The following TMEM132B variants were observed in gnomAD, a reference collection of about 807,000 sequenced individuals.
The protein encoded by TMEM132B is transmembrane protein 132B.
Under a neutral mutation model 90.8 loss-of-function variants are expected in TMEM132B, and 18 were observed. That is an observed-to-expected ratio of 0.20 (90% CI 0.14 to 0.29). The LOEUF is 0.29. Ranked by LOEUF, TMEM132B falls within the 10% of genes least tolerant of loss-of-function variation. The probability of loss-of-function intolerance (pLI) is 1.00; values close to 1 mark genes in which losing one functional copy is unlikely to be tolerated. For missense variants in TMEM132B, 1,096 were observed against 1,326.8 expected, an observed-to-expected ratio of 0.83 and a Z score of 2.70; for synonymous variants, 504 against 523.3, an observed-to-expected ratio of 0.96 and a Z score of 0.50.
intron 1 of TMEM132B, among the ~76,000 whole-genome samples, chr12:125,268,040 G>A (rs558316233): frequency 1.3e-5 from 2 of 152,216 alleles, no homozygotes; most frequent in Admixed American, 1.3e-4. Flanking sequence ...GAGCCCAGGA[G>A]GTCGAGACCA....
chr12:125,400,744 C>T (rs983670858), intron 2 of TMEM132B, among the ~76,000 whole-genome samples: 3 of 152,178 alleles, frequency 2.0e-5, no homozygotes, highest in East Asian at 3.9e-4. Flanking sequence ...GGGAGAGCCC[C>T]AATTAAAAGT....
intron 2 of TMEM132B, among the ~76,000 whole-genome samples, chr12:125,369,551 T>C (rs1878232015): frequency 2.6e-5 from 4 of 152,108 alleles, no homozygotes. Context: ...CAACATTTGA[T>C]AGGTTGATAA....
intron 2 of TMEM132B, among the ~76,000 whole-genome samples, chr12:125,398,765 C>A (rs113017244): frequency 6.6e-6 from 1 of 152,362 alleles, no homozygotes; most frequent in South Asian, 2.1e-4. Flanking sequence ...TCACCACAAA[C>A]TTAAAGGCTT....
At chr12:125,345,818 C>T (rs1877340196) in intron 1 of TMEM132B, among the ~76,000 whole-genome samples, 1 of 152,142 alleles carries the variant, frequency 6.6e-6, no homozygotes, top group Non-Finnish European at 1.5e-5. Context: ...AAATACCTCT[C>T]TAGGAAATCG....
intron 1 of TMEM132B, among the ~76,000 whole-genome samples, chr12:125,254,325 G>A (rs1029264198): frequency 6.6e-6 from 1 of 152,054 alleles, no homozygotes; most frequent in African/African-American, 2.4e-5. Context: ...GAGAAGAAGA[G>A]CAAAACCAAA....
At chr12:125,521,625 G>A (rs1197847664) in intron 4 of TMEM132B, among the ~76,000 whole-genome samples, 1 of 152,208 alleles carries the variant, frequency 6.6e-6, no homozygotes, top group African/African-American at 2.4e-5. Flanking sequence ...AGAGGGTGAG[G>A]GTGGAGGGGT....
rs1261887309 is a variant in TMEM132B at position 125,277,404 on chromosome 12, G to T, written c.68-72048G>T. On this transcript the variant is annotated intron_variant, in intron 1 of 8. Coordinates refer to ENST00000682704, the MANE Select transcript of TMEM132B (RefSeq NM_001366854.1). This position sits in a 1 kb window ranked among gnomAD's most constrained non-coding sequence, Gnocchi z 4.3. The stretch of plus-strand genomic sequence containing the variant: ...TGAGGCTGGAGAATCGCTTGAACCT[G>T]GGAGGCGGAGGTTGCAGTGAGCCAA... Among the ~76,000 whole-genome samples, 1 of 151,818 alleles carries T rather than the reference G, an allele frequency of 6.6e-6. No individual in the cohort carries two copies. Among genetic ancestry groups the T allele is most frequent in the Non-Finnish European group, 1.5e-5 (1 of 67,964 alleles).
At chr12:125,526,288 G>C (rs1883458070) in intron 4 of TMEM132B, among the ~76,000 whole-genome samples, 1 of 152,346 alleles carries the variant, frequency 6.6e-6, no homozygotes, top group Admixed American at 6.5e-5. Flanking sequence ...GGCCTGCTGG[G>C]CTCCTCGCAC....
chr12:125,342,377 C>G (rs575219255), intron 1 of TMEM132B, among the ~76,000 whole-genome samples: 1 of 152,162 alleles, frequency 6.6e-6, no homozygotes, highest in Non-Finnish European at 1.5e-5. Flanking sequence ...CTCCCCTCAC[C>G]CCGTGCCTCA....
intron 3 of TMEM132B, among the ~76,000 whole-genome samples, chr12:125,514,809 A>ATGAGCGAT (rs1883066038): frequency 6.6e-6 from 1 of 152,158 alleles, no homozygotes; most frequent in South Asian, 2.1e-4. Flanking sequence ...ACTGAGGAAC[A>ATGAGCGAT]GCCGCATGTG....
intron 1 of TMEM132B, among the ~76,000 whole-genome samples, chr12:125,295,241 C>T (rs535446207): frequency 8.5e-5 from 13 of 152,272 alleles, no homozygotes; most frequent in African/African-American, 2.6e-4. Context: ...GAGAGCACTC[C>T]GTGGCTGGGC....
chr12:125,336,459 C>A (rs560713163), intron 1 of TMEM132B, among the ~76,000 whole-genome samples: 2 of 152,228 alleles, frequency 1.3e-5, no homozygotes, highest in African/African-American at 4.8e-5. Context: ...GACCTGAAGC[C>A]AGCCTATGCC....
Position 125,531,486 on chromosome 12 carries a change from G to A in TMEM132B, c.1293+11861G>A, listed in dbSNP as rs560481431. Among the ~76,000 whole-genome samples, 3 of 152,290 alleles carry A rather than the reference G, an allele frequency of 2.0e-5. No individual in the cohort carries two copies. The East Asian group carries it at 5.8e-4, about 29-fold the overall frequency. ...TTACAGGAGCGAGCCACTGTGCCTG[G>A]CCTGAGAATTATTTTTGTGTCACCC... On this transcript the variant is annotated intron_variant, in intron 4 of 8. Coordinates refer to ENST00000682704, the MANE Select transcript of TMEM132B (RefSeq NM_001366854.1).
At chr12:125,647,415 G>T (rs1886793965) in intron 6 of TMEM132B, among the ~76,000 whole-genome samples, 1 of 152,210 alleles carries the variant, frequency 6.6e-6, no homozygotes, top group African/African-American at 2.4e-5. Context: ...AAGACACATA[G>T]TAATTAAACT....
At chr12:125,631,176 A>G (rs1479625163) in intron 5 of TMEM132B, among the ~76,000 whole-genome samples, 1 of 151,694 alleles carries the variant, frequency 6.6e-6, no homozygotes, top group Non-Finnish European at 1.5e-5. Context: ...AGGTTTTCTT[A>G]TGTTGTGTTT....
intron 1 of TMEM132B, among the ~76,000 whole-genome samples, chr12:125,224,484 T>G (rs1242320079): frequency 6.6e-6 from 1 of 152,246 alleles, no homozygotes; most frequent in Non-Finnish European, 1.5e-5. Context: ...AGAGCTCTCC[T>G]TGACCACTGT....
chr12:125,254,717 CTT>C (rs960859102), intron 1 of TMEM132B, among the ~76,000 whole-genome samples: 1 of 143,812 alleles, frequency 7.0e-6, no homozygotes, highest in African/African-American at 2.6e-5. Flanking sequence ...GAGTTTCACT[CTT>C]GTCACCCAGG....
chr12:125,364,416 A>G (rs182966078), intron 2 of TMEM132B, among the ~76,000 whole-genome samples: 18 of 152,318 alleles, frequency 1.2e-4, no homozygotes, highest in Non-Finnish European at 2.2e-4. Flanking sequence ...ACTTTACTAC[A>G]TATCTATCAA....
At chr12:125,235,575 T>A (rs1256354425) in intron 1 of TMEM132B, among the ~76,000 whole-genome samples, 6 of 152,072 alleles carry the variant, frequency 3.9e-5, no homozygotes, top group Admixed American at 3.9e-4. Context: ...CAAAACACTT[T>A]CATCCCCCAA....
Sources: allele counts gnomAD v4.1 joint callset (sites outside exome capture counted in the v4.1 genomes callset), GRCh38; gene constraint gnomAD v4.1.1; non-coding constraint Gnocchi (gnomAD v3.1); transcripts MANE v1.5; gene names NCBI Gene and HGNC (gene_info 2026-07-23, HGNC 2026-07-21).